Variants in AOAH observed in about 807,000 individuals in gnomAD.
AOAH encodes acyloxyacyl hydrolase (neutrophil).
Under a neutral mutation model 92.2 loss-of-function variants are expected in AOAH, and 64 were observed. The observed-to-expected ratio is 0.69, with a 90% CI of 0.57 to 0.86. AOAH has a LOEUF of 0.86. Among genes scored for constraint, AOAH ranks in the 40% least tolerant of loss-of-function variants. The pLI is 0.00. For synonymous variants in AOAH, 263 were observed against 254.5 expected (o/e 1.03, Z -0.32); for missense variants, 656 against 694.6 (o/e 0.94, Z 0.62).
At chr7:36,548,239 G>A (rs3735395) in intron 15 of AOAH, among the ~76,000 whole-genome samples, 76,015 of 151,996 alleles carry the variant, frequency 0.5, 19,449 homozygotes, top group Middle Eastern at 0.59. Flanking sequence ...AGGCTGGAGT[G>A]CAGTGGCACG....
At chr7:36,635,317 C>G (rs771740340) in intron 5 of AOAH, among the ~76,000 whole-genome samples, 2 of 152,096 alleles carry the variant, frequency 1.3e-5, no homozygotes, top group Non-Finnish European at 2.9e-5. Context: ...TCCTGAGCTT[C>G]CCCATGCACC....
intron 10 of AOAH, among the ~76,000 whole-genome samples, chr7:36,617,136 CT>C (rs1791957974): frequency 6.6e-6 from 1 of 151,592 alleles, no homozygotes; most frequent in African/African-American, 2.4e-5. Context: ...GAGGCACCTC[CT>C]TTTTCCACTT....
chr7:36,540,225 T>C (rs991906069), intron 16 of AOAH, 94 bp downstream of exon 16: 47 of 1,227,226 alleles, frequency 3.8e-5, no homozygotes, highest in Non-Finnish European at 5.2e-5. Context: ...ATGATGGCAT[T>C]TTAGGCACAT....
intron 2 of AOAH, among the ~76,000 whole-genome samples, chr7:36,685,860 C>T (rs1257806988): frequency 1.3e-5 from 2 of 151,994 alleles, no homozygotes; most frequent in Non-Finnish European, 2.9e-5. Context: ...ACATTTTAGC[C>T]TGTGAATGCA....
At chr7:36,597,856 C>T (rs747585279) in intron 11 of AOAH, 2 of 152,146 alleles carry the variant, frequency 1.3e-5, no homozygotes, top group Non-Finnish European at 1.5e-5. Flanking sequence ...CTCTAGAAAT[C>T]GGATGATCTG....
intron 4 of AOAH, 114 bp from the exon 5 acceptor site, chr7:36,638,024 A>G: frequency 1.3e-6 from 1 of 785,674 alleles, no homozygotes; most frequent in Admixed American, 2.8e-5. Context: ...GAACCACTCC[A>G]TAAATTTGTA....
intron 15 of AOAH, among the ~76,000 whole-genome samples, chr7:36,544,011 G>A (rs1168852472): frequency 1.5e-5 from 2 of 137,594 alleles, no homozygotes; most frequent in South Asian, 2.3e-4. Context: ...GCAGTGGTGC[G>A]ATCTCGCTCA....
chr7:36,616,591 A>T, intron 10 of AOAH, 117 bp from the exon 11 acceptor site: 2 of 781,286 alleles, frequency 2.6e-6, no homozygotes, highest in Non-Finnish European at 4.3e-6. Context: ...GCATTTTCAC[A>T]GTAATGCATT....
In AOAH at chr7:36,653,111, A is replaced by C. The variant is rs144784547; in HGVS notation, c.390+6055T>G. 9.1e-3 allele frequency among the ~76,000 whole-genome samples: 1,381 copies of C among 152,336 alleles called. 24 individuals are homozygous for C. Among genetic ancestry groups the C allele is most frequent in the African/African-American group, 0.031 (1,293 of 41,566 alleles). The stretch of plus-strand genomic sequence containing the variant: ...ATAAATCTGAAATTATTACCAAAAA[A>C]CGTTTATTTGAAATAACAGAGTTTG... On this transcript the variant is annotated intron_variant, in intron 4 of 20. Transcript: ENST00000617537.
chr7:36,639,758 G>A (rs1793770541), intron 4 of AOAH, among the ~76,000 whole-genome samples: 1 of 152,228 alleles, frequency 6.6e-6, no homozygotes, highest in African/African-American at 2.4e-5. Context: ...TGATATGCAA[G>A]TGAAGGCCCT....
chr7:36,553,044 C>G (rs4361686), intron 13 of AOAH, among the ~76,000 whole-genome samples: 147,331 of 151,016 alleles, frequency 0.98, 71,979 homozygotes, highest in East Asian at 1. Flanking sequence ...ATGTATACAT[C>G]TGCCATGCTG....
chr7:36,534,608 A>G (rs1308045904), intron 16 of AOAH, among the ~76,000 whole-genome samples: 1 of 152,154 alleles, frequency 6.6e-6, no homozygotes, highest in East Asian at 1.9e-4. Flanking sequence ...TATTGGCAAT[A>G]TCAGTTGGTC....
chr7:36,650,389 T>G (rs1794505270), intron 4 of AOAH, among the ~76,000 whole-genome samples: 2 of 151,862 alleles, frequency 1.3e-5, no homozygotes, highest in South Asian at 4.2e-4. Context: ...CAAGGAATGG[T>G]TGGGGAAAAG....
At chr7:36,626,600 C>T (rs777780098) in intron 6 of AOAH, among the ~76,000 whole-genome samples, 7 of 152,276 alleles carry the variant, frequency 4.6e-5, no homozygotes, top group Admixed American at 1.3e-4. Context: ...TAGGGCAATT[C>T]GTAAGCTTTA....
At chr7:36,557,349 G>C (rs968342736) in intron 13 of AOAH, among the ~76,000 whole-genome samples, 1 of 152,260 alleles carries the variant, frequency 6.6e-6, no homozygotes, top group Admixed American at 6.5e-5. Context: ...TCTGCTGAGA[G>C]ATCAGCTGTT....
chr7:36,634,969 A>C (rs1433333345), intron 5 of AOAH, among the ~76,000 whole-genome samples: 1 of 152,164 alleles, frequency 6.6e-6, no homozygotes, highest in Non-Finnish European at 1.5e-5. Flanking sequence ...CAGATGATAT[A>C]GGGGCCCCTA....
In AOAH at chr7:36,636,132, A is replaced by G. The variant is rs555079630; in HGVS notation, c.450+1719T>C. On this transcript the variant is annotated intron_variant, in intron 5 of 20. Coordinates refer to ENST00000617537, the MANE Select transcript of AOAH (RefSeq NM_001637.4). The stretch of plus-strand genomic sequence containing the variant: ...GGTCTGAAGTTATATCAGCCATCAC[A>G]GTGGAATTATTAATTACTCTCCGAG... Among the ~76,000 whole-genome samples the G allele has an allele frequency of 1.9e-3, 283 of 151,792 alleles. 2 individuals carry two copies. Among genetic ancestry groups the G allele is most frequent in the African/African-American group, 6.5e-3 (268 of 41,032 alleles).
chr7:36,630,146 C>T (rs941606396), intron 6 of AOAH, among the ~76,000 whole-genome samples: 4 of 152,232 alleles, frequency 2.6e-5, no homozygotes, highest in Non-Finnish European at 4.4e-5. Context: ...CAACTAGAAT[C>T]TTAGAAGGAG....
chr7:36,610,812 T>C (rs1163520465), intron 11 of AOAH, among the ~76,000 whole-genome samples: 1 of 152,186 alleles, frequency 6.6e-6, no homozygotes. Context: ...GATTGCCTTG[T>C]TGCGCTTTGA....
Sources: allele counts gnomAD v4.1 joint callset (sites outside exome capture counted in the v4.1 genomes callset), GRCh38; gene constraint gnomAD v4.1.1; transcripts MANE v1.5; gene names NCBI Gene and HGNC (gene_info 2026-07-23, HGNC 2026-07-21).